Variants in ZNF607 observed in about 807,000 individuals in gnomAD.
ZNF607 encodes the protein zinc finger protein 607.
A neutral mutation model predicts 12.8 loss-of-function variants in ZNF607; 5 were observed. The observed-to-expected ratio is 0.39, with a 90% confidence interval of 0.20 to 0.82. ZNF607 has a LOEUF of 0.82. ZNF607 is among the 40% of genes least tolerant of loss of function. The pLI, the probability that ZNF607 is intolerant of heterozygous loss-of-function variation, is 0.39. For synonymous variants in ZNF607, 287 were observed against 276.2 expected (o/e 1.04, Z -0.39); for missense variants, 851 against 859.2 (o/e 0.99, Z 0.12).
In ZNF607 at chr19:37,699,119, CAT is replaced by C. The variant is rs1389266117; in HGVS notation, c.1010_1011del (p.Tyr337Ter). The C allele has an allele frequency of 1.9e-6, 3 of 1,614,170 alleles. No homozygotes were observed. The highest frequency in any genetic ancestry group is 1.1e-5 in the South Asian group (1 of 91,080). On this transcript the variant is annotated frameshift_variant, in exon 5 of 5. Transcript: ENST00000355202. LOFTEE classifies it low-confidence loss of function (END_TRUNC). ...HQRIYSGEKH[Y>X]ECKENGEAFS... ...AAAGCCTCCCCATTTTCTTTACATT[CAT>C]AGTGTTTCTCCCCTGAATAAATTCT...
In ZNF607 at chr19:37,697,940, C is replaced by T. The variant is rs2044990948; in HGVS notation, c.*100G>A. 8.2e-7 allele frequency: 1 copy of T among 1,224,192 alleles called. No individual in the cohort carries two copies. Among genetic ancestry groups the T allele is most frequent in the Non-Finnish European group, 1.1e-6 (1 of 885,364 alleles). The allele number at this position is 1,224,192 out of a possible 1,614,324, so 75.8% of individuals were successfully genotyped here. A position where few individuals can be genotyped will look rare whatever the true frequency, so the allele number is the denominator to read the frequency against. On this transcript the variant is annotated 3_prime_UTR_variant, in exon 5 of 5. Transcript: ENST00000355202. ...GCCTAATAAAAACTGAACTGTATCT[C>T]AAAGCCATTCCACATTGTCTTCATT...
intron 1 of ZNF607, among the ~76,000 whole-genome samples, chr19:37,715,496 C>T (rs141506394): frequency 0.012 from 1,819 of 151,514 alleles, 31 homozygotes; most frequent in South Asian, 0.058. Context: ...ATCCCAGCTA[C>T]TCAGGAGGCT....
At position 37,698,478 on chromosome 19, in the gene ZNF607, A is replaced by T. The variant is rs2045000348; in HGVS notation, c.1653T>A (p.His551Gln). The change falls in exon 5 of 5, where the codon CAT becomes CAA. Residue 551 changes from histidine to glutamine, a missense_variant. By Grantham distance (24) the His-to-Gln change is conservative. Coordinates refer to ENST00000355202, the MANE Select transcript of ZNF607 (RefSeq NM_032689.5). ...SFRFISVLKA[H>Q]QNIHSAEKPY... Reference sequence around the variant, plus strand: ...GTTTCTCAGCGCTATGAATATTCTGATGGGCTTTAAGTACAGAAATGAACC... The same window carrying T: ...GTTTCTCAGCGCTATGAATATTCTGTTGGGCTTTAAGTACAGAAATGAACC... The T allele has an allele frequency of 6.2e-7, 1 of 1,613,964 alleles. No homozygotes were observed. The highest frequency in any genetic ancestry group is 1.7e-5 in the Admixed American group (1 of 59,990).
intron 1 of ZNF607, among the ~76,000 whole-genome samples, chr19:37,715,262 A>G (rs1452265361): frequency 6.6e-6 from 1 of 151,548 alleles, no homozygotes; most frequent in East Asian, 1.9e-4. Flanking sequence ...ATAATTCCGA[A>G]TTTACAAATT....
rs984410634 is a variant in ZNF607, at chr19:37,719,367, G to A, written c.-173C>T. 1 of 152,886 alleles carries A rather than the reference G, an allele frequency of 6.5e-6. No homozygotes were observed. Among genetic ancestry groups the A allele is most frequent in the Non-Finnish European group, 1.5e-5 (1 of 68,226 alleles). The allele number at this position is 152,886 out of a possible 1,614,324, so 9.5% of individuals were successfully genotyped here. On this transcript the variant is annotated 5_prime_UTR_variant, in exon 1 of 5. Coordinates refer to ENST00000355202, the MANE Select transcript of ZNF607 (RefSeq NM_032689.5). ...CTCCCCGCCTGTCTCCTAGAGACGG[G>A]CCCCTCCTCCGCAGCTCCAGCACCC...
At chr19:37,702,650 A>G (rs1281337533) in intron 4 of ZNF607, among the ~76,000 whole-genome samples, 1 of 152,196 alleles carries the variant, frequency 6.6e-6, no homozygotes, top group Non-Finnish European at 1.5e-5. Context: ...TGTAAATAAA[A>G]TAATTTTTTG....
At chr19:37,701,909 C>G (rs918598310) in intron 4 of ZNF607, among the ~76,000 whole-genome samples, 2 of 152,110 alleles carry the variant, frequency 1.3e-5, no homozygotes, top group Non-Finnish European at 2.9e-5. Context: ...AATTATACAA[C>G]TGAAACATAT....
chr19:37,696,571 G>A lies in ZNF607; in HGVS notation c.*1469C>T, dbSNP rs1473868486. The A allele has an allele frequency of 1.4e-5, 7 of 513,934 alleles. No homozygotes were observed. The highest frequency in any genetic ancestry group is 3.6e-5 in the East Asian group (1 of 27,596). 31.8% of individuals were successfully genotyped at this position (513,934 alleles called of 1,614,324 possible). A position where few individuals can be genotyped will look rare whatever the true frequency, so the allele number is the denominator to read the frequency against. ...GCGAAAGGTGGTGTTACGAATCATCGGGGCTGTGGCCCAGTTGCCTCACGG... is the reference window on the plus strand; with the variant it reads ...GCGAAAGGTGGTGTTACGAATCATCAGGGCTGTGGCCCAGTTGCCTCACGG... On this transcript the variant is annotated 3_prime_UTR_variant, in exon 5 of 5. Transcript: ENST00000355202.
At chr19:37,706,938 A>C (rs991727436) in intron 4 of ZNF607, among the ~76,000 whole-genome samples, 1 of 151,832 alleles carries the variant, frequency 6.6e-6, no homozygotes, top group Non-Finnish European at 1.5e-5. Flanking sequence ...TGATCCTCCC[A>C]CCTTAGCCTC....
rs1353862091 is a variant in ZNF607 at position 37,696,806 on chromosome 19, T to C, written c.*1234A>G. 3.1e-6 allele frequency: 4 copies of C among 1,298,958 alleles called. No individual in the cohort carries two copies. In the South Asian group the frequency reaches 3.7e-5, roughly 12 times the overall value. The allele number at this position is 1,298,958 out of a possible 1,614,324, so 80.5% of individuals were successfully genotyped here. A position where few individuals can be genotyped will look rare whatever the true frequency, so the allele number is the denominator to read the frequency against. ...TTGGAGTCACCCTCAGCAGAGATGATGGCCGCCTTTTCCACCACAAATCTG... is the reference window on the plus strand; with the variant it reads ...TTGGAGTCACCCTCAGCAGAGATGACGGCCGCCTTTTCCACCACAAATCTG... On this transcript the variant is annotated 3_prime_UTR_variant, in exon 5 of 5. Transcript: ENST00000355202.
At chr19:37,703,555 G>C (rs576726508) in intron 4 of ZNF607, among the ~76,000 whole-genome samples, 107 of 152,242 alleles carry the variant, frequency 7.0e-4, no homozygotes, top group African/African-American at 2.3e-3. Context: ...TATGCACTAT[G>C]TAATGGCTAC....
At chr19:37,718,140 A>G (rs917108658) in intron 1 of ZNF607, among the ~76,000 whole-genome samples, 2 of 152,178 alleles carry the variant, frequency 1.3e-5, no homozygotes, top group African/African-American at 4.8e-5. Context: ...AAACATGTAC[A>G]GGAATTCTTT....
chr19:37,707,037 G>C (rs1041241334), intron 4 of ZNF607, among the ~76,000 whole-genome samples: 1 of 152,216 alleles, frequency 6.6e-6, no homozygotes, highest in South Asian at 2.1e-4. Flanking sequence ...TGTTGGCCAG[G>C]GTGGTCTTGA....
rs199734819 is a variant in ZNF607, at chr19:37,714,361, GCAGCAA to G, written c.-74-2675_-74-2670del. Among the ~76,000 whole-genome samples the G allele has an allele frequency of 7.7e-3, 1,162 of 150,508 alleles. 28 individuals carry two copies. The highest frequency in any genetic ancestry group is 0.049 in the East Asian group (245 of 5,048). ...AACAACAGCAGCAGCAGCAGCAGCA[GCAGCAA>G]CAACAAACATACTCACCCTGTCTCC... On this transcript the variant is annotated intron_variant, in intron 1 of 4. Coordinates refer to ENST00000355202, the MANE Select transcript of ZNF607 (RefSeq NM_032689.5).
rs1337289863 is a variant in ZNF607, at chr19:37,701,017, T to A, written c.236-1122A>T. On this transcript the variant is annotated intron_variant, in intron 4 of 4. Transcript: ENST00000355202. Reference sequence around the variant, plus strand: ...CCCTAAAAGTGAAAAGTCTAAATAGTCAATTGTCATAGATGAAATACAAAA... The same window carrying A: ...CCCTAAAAGTGAAAAGTCTAAATAGACAATTGTCATAGATGAAATACAAAA... Among the ~76,000 whole-genome samples, 3 of 152,132 alleles carry A rather than the reference T, an allele frequency of 2.0e-5. No homozygotes were observed. In the East Asian group the frequency reaches 5.8e-4, roughly 29 times the overall value.
At chr19:37,708,645 G>C (rs2045106728) in intron 3 of ZNF607, among the ~76,000 whole-genome samples, 1 of 149,634 alleles carries the variant, frequency 6.7e-6, no homozygotes, top group Admixed American at 6.8e-5. Context: ...TCAGGAGTTG[G>C]AGACCAGCCT....
chr19:37,707,394 G>T (rs1568405765), intron 4 of ZNF607, among the ~76,000 whole-genome samples: 1 of 152,014 alleles, frequency 6.6e-6, no homozygotes, highest in Non-Finnish European at 1.5e-5. Flanking sequence ...CAGAGGATAA[G>T]ACTGTGCCAC....
chr19:37,698,603 A>G lies in ZNF607; in HGVS notation c.1528T>C (p.Cys510Arg), dbSNP rs1042169129. ...TGEKPYECKE[C>R]GKAFSVSGQL... ...CCAGATACACTAAAGGCCTTCCCAC[A>G]TTCCTTACATTCATAAGGTTTCTCA... The change falls in exon 5 of 5, where the codon TGT (cysteine) becomes CGT (arginine). Residue 510 changes from cysteine to arginine, a missense_variant. Physicochemically the swap from Cys to Arg is radical, Grantham distance 180. Transcript: ENST00000355202. 26 of 1,613,980 alleles carry G rather than the reference A, an allele frequency of 1.6e-5. No individual in the cohort carries two copies. The highest frequency in any genetic ancestry group is 2.1e-5 in the Non-Finnish European group (25 of 1,180,020).
intron 4 of ZNF607, among the ~76,000 whole-genome samples, chr19:37,704,679 A>C (rs1193651777): frequency 6.6e-6 from 1 of 152,228 alleles, no homozygotes; most frequent in Non-Finnish European, 1.5e-5. Context: ...AAAAGACCTC[A>C]GTTGGCTGGG....
Sources: gnomAD v4.1 joint callset for allele counts (sites outside exome capture counted in the v4.1 genomes callset) on GRCh38, gnomAD v4.1.1 for gene constraint, MANE v1.5 for transcripts, NCBI Gene and HGNC (gene_info 2026-07-23, HGNC 2026-07-21) for gene names.